The following STK32C variants were observed in gnomAD, a reference collection of about 807,000 sequenced individuals.
The protein encoded by STK32C is serine/threonine kinase 32C.
A neutral mutation model predicts 56.5 loss-of-function variants in STK32C; 31 were observed. The observed-to-expected ratio is 0.55, with a 90% CI of 0.41 to 0.74. STK32C has a LOEUF of 0.74. Ranked by LOEUF, STK32C falls within the 30% of genes least tolerant of loss-of-function variation. The pLI is 0.00. For missense variants in STK32C, 544 were observed against 676.9 expected (o/e 0.80, Z 2.18); for synonymous variants, 309 against 289.4 (o/e 1.07, Z -0.69).
At chr10:132,240,262 C>G (rs775215085) in intron 2 of STK32C, among the ~76,000 whole-genome samples, 13 of 152,258 alleles carry the variant, frequency 8.5e-5, no homozygotes, top group Admixed American at 4.6e-4. Context: ...AGCGAGTCCC[C>G]CCGATGGATG....
chr10:132,212,046 G>A (rs1302484640), intron 10 of STK32C, among the ~76,000 whole-genome samples: 1 of 152,122 alleles, frequency 6.6e-6, no homozygotes, highest in Admixed American at 6.5e-5. Flanking sequence ...AATGGAGCAG[G>A]CTTCAGTCCC....
In STK32C at chr10:132,287,288, C is replaced by T. The variant is rs180712579; in HGVS notation, c.262+20284G>A. On this transcript the variant is annotated intron_variant, in intron 1 of 11. Coordinates refer to ENST00000298630, the MANE Select transcript of STK32C (RefSeq NM_173575.4). Reference sequence around the variant, plus strand: ...GAGGCGGATCACTAGGTCAGGAGTTCAAGACCAGCCTGGCCAACATGGTGA... The same window carrying T: ...GAGGCGGATCACTAGGTCAGGAGTTTAAGACCAGCCTGGCCAACATGGTGA... Among the ~76,000 whole-genome samples the T allele has an allele frequency of 7.4e-3, 1,126 of 152,046 alleles. 10 individuals carry two copies. The highest frequency in any genetic ancestry group is 0.026 in the African/African-American group (1,080 of 41,508).
chr10:132,249,507 C>T (rs533986595), intron 1 of STK32C, among the ~76,000 whole-genome samples: 2 of 152,096 alleles, frequency 1.3e-5, no homozygotes, highest in Admixed American at 1.3e-4. Flanking sequence ...TGAGAAGCCC[C>T]GAGCCAAGTG....
In STK32C at chr10:132,245,884, C is replaced by T. The variant is rs886565552; in HGVS notation, c.318+16G>A. ...CTGCCCCCTCAGCCCAGTCCCCACC[C>T]CAGGCCCTGCCTTACCTTGCCAAAG... On this transcript the variant is annotated intron_variant, in intron 2 of 11. Transcript: ENST00000298630. 14 of 1,611,648 alleles carry T rather than the reference C, an allele frequency of 8.7e-6. No individual in the cohort carries two copies. The highest frequency in any genetic ancestry group is 1.2e-5 in the Non-Finnish European group (14 of 1,179,918).
intron 1 of STK32C, among the ~76,000 whole-genome samples, chr10:132,257,505 ACC>A (rs1046415542): frequency 7.3e-6 from 1 of 137,726 alleles, no homozygotes; most frequent in Non-Finnish European, 1.7e-5. Context: ...GGAGCATCAC[ACC>A]CCCCAGCCAA....
At chr10:132,274,131 T>C (rs986056458) in intron 1 of STK32C, among the ~76,000 whole-genome samples, 2 of 152,206 alleles carry the variant, frequency 1.3e-5, no homozygotes, top group African/African-American at 4.8e-5. Context: ...AGTCTGCAGA[T>C]GCCTGCGGGG....
chr10:132,265,428 C>T (rs564727171), intron 1 of STK32C, among the ~76,000 whole-genome samples: 5 of 152,284 alleles, frequency 3.3e-5, no homozygotes, highest in Admixed American at 2.6e-4. Context: ...AGGGCAGAAG[C>T]GACCACCAGA....
At chr10:132,250,238 G>A (rs1021633696) in intron 1 of STK32C, among the ~76,000 whole-genome samples, 5 of 152,082 alleles carry the variant, frequency 3.3e-5, no homozygotes, top group Non-Finnish European at 7.4e-5. Flanking sequence ...TGAGGCGCCC[G>A]GGACAGGTCA....
At chr10:132,268,113 GT>G (rs1332845851) in intron 1 of STK32C, among the ~76,000 whole-genome samples, 1 of 147,282 alleles carries the variant, frequency 6.8e-6, no homozygotes, top group Non-Finnish European at 1.5e-5. Context: ...GTGTATGCAG[GT>G]GCAGCTGTGC....
At chr10:132,256,712 G>A (rs573356484) in intron 1 of STK32C, among the ~76,000 whole-genome samples, 9 of 152,138 alleles carry the variant, frequency 5.9e-5, no homozygotes, top group African/African-American at 1.7e-4. Context: ...CTCTCACTGC[G>A]CAGGGCCCAG....
intron 1 of STK32C, among the ~76,000 whole-genome samples, chr10:132,247,136 G>A (rs1179437002): frequency 1.3e-5 from 2 of 152,230 alleles, no homozygotes; most frequent in Non-Finnish European, 2.9e-5. Flanking sequence ...AGACAGCAGG[G>A]TAGGTACTGA....
At chr10:132,262,200 T>A (rs923546379) in intron 1 of STK32C, among the ~76,000 whole-genome samples, 2 of 152,068 alleles carry the variant, frequency 1.3e-5, no homozygotes, top group African/African-American at 2.4e-5. Flanking sequence ...GGGAAAGGAC[T>A]CCCCATTCAA....
At chr10:132,210,192 C>A (rs1473290312) in intron 10 of STK32C, among the ~76,000 whole-genome samples, 1 of 152,192 alleles carries the variant, frequency 6.6e-6, no homozygotes, top group Non-Finnish European at 1.5e-5. Flanking sequence ...ACGGCCCCAG[C>A]CAGGGCTAAG....
At chr10:132,322,405 T>C (rs1050734198), downstream of STK32C, among the ~76,000 whole-genome samples, 1 of 152,232 alleles carries the variant, frequency 6.6e-6, no homozygotes, top group African/African-American at 2.4e-5. Flanking sequence ...GGTATCTTTC[T>C]GATGAACAGG....
intron 1 of STK32C, among the ~76,000 whole-genome samples, chr10:132,280,548 G>C (rs1264875133): frequency 8.1e-6 from 1 of 123,080 alleles, no homozygotes; most frequent in Non-Finnish European, 1.7e-5. Context: ...TCCACACCGT[G>C]ACCACGCCCC....
intron 1 of STK32C, among the ~76,000 whole-genome samples, chr10:132,272,445 C>T (rs1031577864): frequency 2.0e-5 from 3 of 152,244 alleles, no homozygotes; most frequent in Admixed American, 6.5e-5. Flanking sequence ...CCAAATCTAA[C>T]GTGCCCTCAA....
intron 1 of STK32C, among the ~76,000 whole-genome samples, chr10:132,295,097 C>A (rs1038074138): frequency 4.6e-5 from 7 of 152,186 alleles, no homozygotes; most frequent in Non-Finnish European, 1.0e-4. Context: ...CGGCAGTGCA[C>A]AGAGCAGGTG....
chr10:132,274,669 G>T (rs2064943264), intron 1 of STK32C, among the ~76,000 whole-genome samples: 1 of 152,202 alleles, frequency 6.6e-6, no homozygotes, highest in Non-Finnish European at 1.5e-5. Flanking sequence ...CCTCAGGCGT[G>T]GGCCTGTCTG....
intron 1 of STK32C, among the ~76,000 whole-genome samples, chr10:132,295,648 G>A (rs976254551): frequency 6.6e-6 from 1 of 152,088 alleles, no homozygotes; most frequent in African/African-American, 2.4e-5. Flanking sequence ...CACTTCGGGG[G>A]GCCGAGGAGG....
Sources: gnomAD v4.1 joint callset for allele counts (sites outside exome capture counted in the v4.1 genomes callset) on GRCh38, gnomAD v4.1.1 for gene constraint, MANE v1.5 for transcripts, NCBI Gene and HGNC (gene_info 2026-07-23, HGNC 2026-07-21) for gene names.